SCAMP2: variants seen among roughly 807,000 people sequenced by gnomAD.
SCAMP2 encodes the protein secretory carrier-associated membrane protein 2.
SCAMP2 carries 25 observed loss-of-function variants against 44.1 expected under a neutral mutation model. The observed-to-expected ratio is 0.57, with a 90% CI of 0.41 to 0.79. The LOEUF (loss-of-function observed/expected upper bound fraction) is 0.79, where lower values mean the gene tolerates loss of function less well. Ranked by LOEUF, SCAMP2 falls within the 30% of genes least tolerant of loss-of-function variation. SCAMP2 has a pLI of 0.00. For missense variants in SCAMP2, 355 were observed against 411.0 expected, an observed-to-expected ratio of 0.86 and a Z score of 1.18; for synonymous variants, 156 against 166.0, an observed-to-expected ratio of 0.94 and a Z score of 0.46.
intron 7 of SCAMP2, 56 bp downstream of exon 7, chr15:74,848,544 G>C (rs1596413919): frequency 8.6e-7 from 1 of 1,162,948 alleles, no homozygotes; most frequent in Non-Finnish European, 1.3e-6. Flanking sequence ...AACAGGGCAA[G>C]AGAGGCTGAG....
At chr15:74,862,457 T>A (rs2064513330) in intron 1 of SCAMP2, among the ~76,000 whole-genome samples, 1 of 151,024 alleles carries the variant, frequency 6.6e-6, no homozygotes, top group Non-Finnish European at 1.5e-5. Context: ...ATGCCTCTAA[T>A]TCCAGGTACT....
intron 6 of SCAMP2, 66 bp downstream of exon 6, chr15:74,850,448 T>C: frequency 1.4e-6 from 2 of 1,437,296 alleles, no homozygotes; most frequent in Non-Finnish European, 1.9e-6. Context: ...CCAGGGCCTA[T>C]AGCCCTTAGC....
intron 1 of SCAMP2, among the ~76,000 whole-genome samples, chr15:74,871,324 GCA>G (rs961931323): frequency 1.3e-5 from 2 of 152,064 alleles, no homozygotes; most frequent in African/African-American, 4.8e-5. Flanking sequence ...AGGCCCAGTG[GCA>G]CATTCTTGTA....
intron 1 of SCAMP2, among the ~76,000 whole-genome samples, chr15:74,871,908 G>T (rs1479711573): frequency 6.6e-6 from 1 of 150,518 alleles, no homozygotes; most frequent in Admixed American, 6.6e-5. Flanking sequence ...AGCCGGGTGT[G>T]GTGGTGCACA....
chr15:74,850,491 C>A (rs747223310), intron 6 of SCAMP2, 23 bp downstream of exon 6: 1 of 1,611,548 alleles, frequency 6.2e-7, no homozygotes, highest in Non-Finnish European at 8.5e-7. Context: ...TAAAGTCTCA[C>A]CCCTTGCCCC....
chr15:74,862,989 C>T (rs1450073185), intron 1 of SCAMP2, among the ~76,000 whole-genome samples: 1 of 151,686 alleles, frequency 6.6e-6, no homozygotes, highest in Non-Finnish European at 1.5e-5. Flanking sequence ...GTGAGAGAAT[C>T]GCTTGAGCCC....
chr15:74,871,374 A>C (rs2064573899), intron 1 of SCAMP2, among the ~76,000 whole-genome samples: 1 of 151,422 alleles, frequency 6.6e-6, no homozygotes, highest in Admixed American at 6.6e-5. Context: ...GGATTCAAAT[A>C]ATCATTTGAA....
rs2064366890 is a variant in SCAMP2, at chr15:74,844,204, G to GGGA, written c.*878_*879insTCC. 1 of 96,750 alleles carries GGGA rather than the reference G, an allele frequency of 1.0e-5. No homozygotes were observed. The highest frequency in any genetic ancestry group is 5.7e-4 in the South Asian group (1 of 1,754). 6.0% of individuals were successfully genotyped at this position (96,750 alleles called of 1,614,324 possible). A position where few individuals can be genotyped will look rare whatever the true frequency, so the allele number is the denominator to read the frequency against. On this transcript the variant is annotated 3_prime_UTR_variant, in exon 9 of 9. Transcript: ENST00000268099. Reference sequence around the variant, plus strand: ...AGGCAGCCGTCCCTCGGTTCGGGGAGGGGGGGGGGTAGTCACAGCAAACAG... The same window carrying GGGA: ...AGGCAGCCGTCCCTCGGTTCGGGGAGGGAGGGGGGGGGTAGTCACAGCAAACAG...
At chr15:74,852,224 C>A in intron 3 of SCAMP2, 38 bp from the exon 4 acceptor site, 1 of 1,395,690 alleles carries the variant, frequency 7.2e-7, no homozygotes, top group Non-Finnish European at 9.5e-7. Context: ...CAGCCAGACA[C>A]AACAAACAGA....
chr15:74,854,974 G>GTTT (rs1205211475), intron 1 of SCAMP2, among the ~76,000 whole-genome samples: 3 of 138,148 alleles, frequency 2.2e-5, no homozygotes, highest in African/African-American at 5.3e-5. Context: ...TAGGGAGTGG[G>GTTT]TTTTTTTTTT....
rs1206953654 is a variant in SCAMP2 at position 74,873,346 on chromosome 15, G to A, written c.-91C>T. 9 of 1,213,968 alleles carry A rather than the reference G, an allele frequency of 7.4e-6. No homozygotes were observed. Among genetic ancestry groups the A allele is most frequent in the Non-Finnish European group, 9.9e-6 (9 of 908,596 alleles). The allele number at this position is 1,213,968 out of a possible 1,614,324, so 75.2% of individuals were successfully genotyped here. On this transcript the variant is annotated 5_prime_UTR_variant, in exon 1 of 9. Coordinates refer to ENST00000268099, the MANE Select transcript of SCAMP2 (RefSeq NM_005697.5). ...CGCTTCGTGTAGACCCTCCACTTCCGGGAGCGAGGCAGCGGTTCTGGCGCA... is the reference window on the plus strand; with the variant it reads ...CGCTTCGTGTAGACCCTCCACTTCCAGGAGCGAGGCAGCGGTTCTGGCGCA...
intron 3 of SCAMP2, 26 bp from the exon 4 acceptor site, chr15:74,852,212 G>A (rs763206286): frequency 2.8e-6 from 4 of 1,428,546 alleles, no homozygotes; most frequent in Non-Finnish European, 3.7e-6. Context: ...GAGGTACAGG[G>A]ACAGCCAGAC....
intron 8 of SCAMP2, 68 bp downstream of exon 8, chr15:74,845,405 C>T (rs751957239): frequency 6.2e-6 from 10 of 1,611,522 alleles, no homozygotes; most frequent in East Asian, 2.2e-5. Flanking sequence ...AAAAACATCT[C>T]GTGGCAAGGG....
chr15:74,855,873 G>T (rs1169127579), intron 1 of SCAMP2, among the ~76,000 whole-genome samples: 1 of 152,118 alleles, frequency 6.6e-6, no homozygotes, highest in Non-Finnish European at 1.5e-5. Context: ...GGTTTCGGGG[G>T]TTTTTTAAAG....
In SCAMP2 at chr15:74,851,345, G is replaced by C. The variant is rs756492671; in HGVS notation, c.472+8C>G. On this transcript the variant is annotated splice_region_variant and intron_variant, in intron 5 of 8. Coordinates refer to ENST00000268099, the MANE Select transcript of SCAMP2 (RefSeq NM_005697.5). The stretch of plus-strand genomic sequence containing the variant: ...CCCTTGCGCTTGGAAGGCAGGAGTG[G>C]GACTCACACATCCACAGATAGTAGA... 38 of 1,612,578 alleles carry C rather than the reference G, an allele frequency of 2.4e-5. No individual in the cohort carries two copies. In the East Asian group the frequency reaches 4.0e-4, roughly 17 times the overall value.
chr15:74,847,122 T>C (rs2064404989), intron 7 of SCAMP2, among the ~76,000 whole-genome samples: 1 of 141,016 alleles, frequency 7.1e-6, no homozygotes, highest in African/African-American at 2.6e-5. Context: ...GATTGAGTCT[T>C]GCTCTGTAGC....
At chr15:74,868,387 GC>G (rs1232987649) in intron 1 of SCAMP2, among the ~76,000 whole-genome samples, 1 of 152,210 alleles carries the variant, frequency 6.6e-6, no homozygotes, top group Non-Finnish European at 1.5e-5. Context: ...ACTAAATGGT[GC>G]ACTGGGAGTT....
chr15:74,859,950 T>C (rs916284956), intron 1 of SCAMP2, among the ~76,000 whole-genome samples: 2 of 152,056 alleles, frequency 1.3e-5, no homozygotes, highest in African/African-American at 4.8e-5. Flanking sequence ...TAAATAAATA[T>C]CTTATCTCAC....
At chr15:74,850,897 G>A (rs968321285) in intron 5 of SCAMP2, among the ~76,000 whole-genome samples, 4 of 152,192 alleles carry the variant, frequency 2.6e-5, no homozygotes, top group African/African-American at 9.7e-5. Flanking sequence ...GGGACAGCCC[G>A]GGTATCTGAG....
Sources: allele counts gnomAD v4.1 joint callset (sites outside exome capture counted in the v4.1 genomes callset), GRCh38; gene constraint gnomAD v4.1.1; transcripts MANE v1.5; gene names NCBI Gene and HGNC (gene_info 2026-07-23, HGNC 2026-07-21).